The following CACNA1C variants were observed in gnomAD, a reference collection of about 807,000 sequenced individuals.
CACNA1C encodes the protein voltage-dependent L-type calcium channel subunit alpha-1C.
Under a neutral mutation model 229.0 loss-of-function variants are expected in CACNA1C, and 30 were observed. The ratio of observed to expected loss-of-function variants is 0.13; its 90% CI spans 0.10 to 0.18. The LOEUF (loss-of-function observed/expected upper bound fraction) is 0.18. CACNA1C is among the 10% of genes least tolerant of loss of function. The pLI is 1.00. For missense variants in CACNA1C, 1,658 were observed against 2,845.0 expected (o/e 0.58, Z 9.49); for synonymous variants, 1,114 against 1,132.5 (o/e 0.98, Z 0.33).
At chr12:2,373,709 T>C (rs767215958) in intron 3 of CACNA1C, among the ~76,000 whole-genome samples, 3 of 152,220 alleles carry the variant, frequency 2.0e-5, no homozygotes, top group Non-Finnish European at 4.4e-5. Context: ...TTCGTATTTA[T>C]GAGTTTGCTC....
chr12:2,264,425 C>T (rs1034437095), intron 3 of CACNA1C, among the ~76,000 whole-genome samples: 3 of 152,190 alleles, frequency 2.0e-5, no homozygotes, highest in African/African-American at 4.8e-5. Flanking sequence ...GAAAGCATCC[C>T]GTTCAACTCC....
intron 3 of CACNA1C, among the ~76,000 whole-genome samples, chr12:2,334,222 G>A (rs1333719943): frequency 2.6e-5 from 4 of 152,206 alleles, no homozygotes; most frequent in African/African-American, 9.6e-5. Flanking sequence ...CACTCATGAT[G>A]TCTTATTCTA....
intron 9 of CACNA1C, among the ~76,000 whole-genome samples, chr12:2,534,126 G>T (rs2099847508): frequency 6.6e-6 from 1 of 152,126 alleles, no homozygotes; most frequent in Admixed American, 6.5e-5. Flanking sequence ...AATTCCAAGA[G>T]TGGGGCAGCA....
At chr12:2,657,836 G>T (rs1436521228) in intron 34 of CACNA1C, among the ~76,000 whole-genome samples, 3 of 152,112 alleles carry the variant, frequency 2.0e-5, no homozygotes, top group Non-Finnish European at 4.4e-5. Context: ...AGTAGCAGAA[G>T]AAATAGAATT....
chr12:2,176,321 G>C (rs940696231), intron 3 of CACNA1C, among the ~76,000 whole-genome samples: 1 of 152,130 alleles, frequency 6.6e-6, no homozygotes, highest in Admixed American at 6.5e-5. Context: ...AGAGGTGGTT[G>C]CAGGGGCAGA....
rs1477374845 is a variant in CACNA1C, at chr12:2,054,256, G to A, written c.49+645G>A. Among the ~76,000 whole-genome samples, 2 of 151,972 alleles carry A rather than the reference G, an allele frequency of 1.3e-5. No homozygotes were observed. Among genetic ancestry groups the A allele is most frequent in the African/African-American group, 4.8e-5 (2 of 41,402 alleles). The stretch of plus-strand genomic sequence containing the variant: ...TTCTTCCTCTCTCCCTCCCTCCTCC[G>A]CCGCTCACCTACACCCACCCACCTC... On this transcript the variant is annotated intron_variant, in intron 1 of 46. Coordinates refer to ENST00000399655, the MANE Select transcript of CACNA1C (RefSeq NM_000719.7). This position sits in a 1 kb window ranked among gnomAD's most constrained non-coding sequence, Gnocchi z 5.5.
At chr12:2,236,125 C>G (rs1018841768) in intron 3 of CACNA1C, among the ~76,000 whole-genome samples, 1 of 152,164 alleles carries the variant, frequency 6.6e-6, no homozygotes, top group Admixed American at 6.5e-5. Flanking sequence ...CATCTCAGCC[C>G]GAAGTGTTTT....
At chr12:2,440,388 T>G (rs2099210175) in intron 3 of CACNA1C, among the ~76,000 whole-genome samples, 1 of 152,256 alleles carries the variant, frequency 6.6e-6, no homozygotes, top group Non-Finnish European at 1.5e-5. Flanking sequence ...TTTGTCCTAC[T>G]GTGTCTGGCT....
At chr12:2,617,164 G>T (rs2081072815) in intron 29 of CACNA1C, among the ~76,000 whole-genome samples, 1 of 152,212 alleles carries the variant, frequency 6.6e-6, no homozygotes, top group Admixed American at 6.5e-5. Context: ...TTGTCCTGAG[G>T]AATCCATCAA....
chr12:2,598,671 G>T (rs1316410029), intron 21 of CACNA1C, among the ~76,000 whole-genome samples: 1 of 152,182 alleles, frequency 6.6e-6, no homozygotes, highest in Non-Finnish European at 1.5e-5. Flanking sequence ...ACTGCCAGCT[G>T]CAGGCCTCTC....
chr12:2,568,472 C>A (rs1199481483), intron 13 of CACNA1C, among the ~76,000 whole-genome samples: 1 of 152,018 alleles, frequency 6.6e-6, no homozygotes, highest in East Asian at 1.9e-4. Flanking sequence ...GGGTATATGC[C>A]CAAAATAATT....
intron 12 of CACNA1C, 62 bp from the exon 13 acceptor site, chr12:2,567,507 C>T: frequency 1.0e-6 from 1 of 992,096 alleles, no homozygotes; most frequent in East Asian, 2.6e-5. Flanking sequence ...TTTCCTTTCC[C>T]TGCCTCCCTC....
chr12:2,135,843 A>C (rs571820241), intron 3 of CACNA1C, among the ~76,000 whole-genome samples: 6 of 147,140 alleles, frequency 4.1e-5, no homozygotes, highest in Non-Finnish European at 7.4e-5. Context: ...ACCCAGTTCG[A>C]GCTTCCCGGC....
chr12:2,042,768 A>AT (rs2050345789), intron 1 of CACNA1C, among the ~76,000 whole-genome samples: 2 of 152,206 alleles, frequency 1.3e-5, no homozygotes, highest in Admixed American at 1.3e-4. Flanking sequence ...GACTGAGCAC[A>AT]TATGAAAGTT....
At chr12:2,687,538 CT>C (rs35920419) in intron 45 of CACNA1C, among the ~76,000 whole-genome samples, 10,985 of 138,108 alleles carry the variant, frequency 0.08, 543 homozygotes, top group East Asian at 0.15. Flanking sequence ...TACCGTGTGA[CT>C]TTTTTTTTTT....
chr12:2,391,447 C>T (rs368637982), intron 3 of CACNA1C, among the ~76,000 whole-genome samples: 5 of 152,208 alleles, frequency 3.3e-5, no homozygotes, highest in African/African-American at 1.2e-4. Flanking sequence ...AGGGCAACCA[C>T]GAAAGGCTGT....
chr12:2,216,741 C>G (rs2060076449), intron 3 of CACNA1C, among the ~76,000 whole-genome samples: 1 of 152,140 alleles, frequency 6.6e-6, no homozygotes, highest in African/African-American at 2.4e-5. Context: ...GAAAGCACCC[C>G]CAGGTGATTC....
chr12:2,148,019 A>G (rs2094883397), intron 3 of CACNA1C, among the ~76,000 whole-genome samples: 2 of 151,470 alleles, frequency 1.3e-5, no homozygotes, highest in South Asian at 2.1e-4. Context: ...TTACATGCAT[A>G]TATACACATA....
chr12:2,108,060 C>T lies in CACNA1C; in HGVS notation c.50-7164C>T, dbSNP rs1209717675. Reference sequence around the variant, plus strand: ...CTCAGGAGCTGCGTATGACTGGTAGCAAGGGCTCCGTAATCCAGCCTAGGA... The same window carrying T: ...CTCAGGAGCTGCGTATGACTGGTAGTAAGGGCTCCGTAATCCAGCCTAGGA... On this transcript the variant is annotated intron_variant, in intron 1 of 46. Coordinates refer to ENST00000399655, the MANE Select transcript of CACNA1C (RefSeq NM_000719.7). This position sits in a 1 kb window ranked among gnomAD's most constrained non-coding sequence, Gnocchi z 5.3. 6.6e-6 allele frequency among the ~76,000 whole-genome samples: 1 copy of T among 152,194 alleles called. No individual in the cohort carries two copies. The highest frequency in any genetic ancestry group is 1.5e-5 in the Non-Finnish European group (1 of 68,034).
Sources: gnomAD v4.1 joint callset for allele counts (sites outside exome capture counted in the v4.1 genomes callset) on GRCh38, gnomAD v4.1.1 for gene constraint, Gnocchi (gnomAD v3.1) non-coding constraint, MANE v1.5 for transcripts, NCBI Gene and HGNC (gene_info 2026-07-23, HGNC 2026-07-21) for gene names.